PLB1: variants seen among roughly 807,000 people sequenced by gnomAD.
PLB1 encodes the protein phospholipase B1, membrane-associated.
PLB1 carries 242 observed loss-of-function variants against 227.4 expected under a neutral mutation model. The observed-to-expected ratio is 1.06, with a 90% CI of 0.96 to 1.18. The LOEUF (loss-of-function observed/expected upper bound fraction) is 1.18. Among genes scored for constraint, PLB1 ranks in the 50% most tolerant of loss-of-function variants. PLB1 has a pLI of 0.00. For missense variants in PLB1, 1,858 were observed against 1,816.3 expected, an observed-to-expected ratio of 1.02 and a Z score of -0.42; for synonymous variants, 757 against 682.2, an observed-to-expected ratio of 1.11 and a Z score of -1.71.
intron 26 of PLB1, among the ~76,000 whole-genome samples, chr2:28,588,830 C>T (rs1214425924): frequency 1.3e-5 from 2 of 152,098 alleles, no homozygotes; most frequent in African/African-American, 4.8e-5. Flanking sequence ...TGTCATTTAA[C>T]CAAAAACCAC....
Position 28,625,358 on chromosome 2 carries a change from G to A in PLB1, c.3579+250G>A, listed in dbSNP as rs530411154. Among the ~76,000 whole-genome samples, 119 of 152,212 alleles carry A rather than the reference G, an allele frequency of 7.8e-4. 1 individual carries two copies. Among genetic ancestry groups the A allele is most frequent in the Non-Finnish European group, 1.2e-3 (85 of 68,036 alleles). On this transcript the variant is annotated intron_variant, in intron 50 of 57. Coordinates refer to ENST00000327757, the MANE Select transcript of PLB1 (RefSeq NM_153021.5). The stretch of plus-strand genomic sequence containing the variant: ...GGAACAGGGAGTTGGCTGAGGTGGT[G>A]GCCTTGGCCTCTGACAGCTTCCTGC...
At position 28,633,042 on chromosome 2, in the gene PLB1, G is replaced by A. The variant is rs1688856606; in HGVS notation, c.4098+3G>A. On this transcript the variant is annotated splice_donor_region_variant and intron_variant, in intron 56 of 57. Coordinates refer to ENST00000327757, the MANE Select transcript of PLB1 (RefSeq NM_153021.5). ...CCATCGCACTCTGGAACAACATGGT[G>A]AGCAGCCAAGGGCCTGGTGGGCCTT... The A allele has an allele frequency of 1.2e-5, 19 of 1,613,408 alleles. No homozygotes were observed. The highest frequency in any genetic ancestry group is 1.6e-5 in the Non-Finnish European group (19 of 1,179,520).
rs758586763 is a variant in PLB1, at chr2:28,573,290, C to T, written c.1418C>T (p.Ala473Val). Residue 473 changes from alanine to valine, a missense_variant, in exon 21 of 58, where the codon GCA becomes GTA. Coordinates refer to ENST00000327757, the MANE Select transcript of PLB1 (RefSeq NM_153021.5). ...AATGCCTTCTTAAACCAGGCTGTGG[C>T]AGGAGGCCGAGCTGAGTAAGCAGGG... is the stretch of plus-strand genomic sequence containing the variant. ...SPNAFLNQAV[A>V]GGRAEDLPVQ... The T allele has an allele frequency of 5.6e-6, 9 of 1,613,368 alleles. No individual in the cohort carries two copies. The highest frequency in any genetic ancestry group is 6.8e-6 in the Non-Finnish European group (8 of 1,179,668).
chr2:28,601,399 C>G, intron 37 of PLB1, 67 bp downstream of exon 37: 1 of 1,366,402 alleles, frequency 7.3e-7, no homozygotes, highest in Non-Finnish European at 1.0e-6. Context: ...TGGAGATCTT[C>G]CCTGAGAACA....
chr2:28,589,556 T>C lies in PLB1; in HGVS notation c.1920+2T>C. Reference sequence around the variant, plus strand: ...AACGTGGACATGCCAAAGACCTCGGTAAAGAAAGCAAGCATCGTAGAAAAA... The same window carrying C: ...AACGTGGACATGCCAAAGACCTCGGCAAAGAAAGCAAGCATCGTAGAAAAA... On this transcript the variant is annotated splice_donor_variant, in intron 27 of 57. Transcript: ENST00000327757. LOFTEE classifies it high-confidence loss of function. 6.2e-7 allele frequency: 1 copy of C among 1,613,916 alleles called. No individual in the cohort carries two copies. The highest frequency in any genetic ancestry group is 1.6e-4 in the Middle Eastern group (1 of 6,062).
rs372434991 is a variant in PLB1, at chr2:28,597,252, AGACTCC to A, written c.2322-751_2322-746del. Among the ~76,000 whole-genome samples the A allele has an allele frequency of 3.6e-3, 531 of 146,830 alleles. 4 individuals carry two copies. The highest frequency in any genetic ancestry group is 0.013 in the African/African-American group (498 of 38,240). On this transcript the variant is annotated intron_variant, in intron 33 of 57. Coordinates refer to ENST00000327757, the MANE Select transcript of PLB1 (RefSeq NM_153021.5). ...GCACTCCAGCCTGGGCGACAGAGCA[AGACTCC>A]GTCTCGAAAAAAAAAAAAAAAAAAA...
Position 28,643,552 on chromosome 2 carries a change from A to G in PLB1, c.*491A>G, listed in dbSNP as rs1165724069. ...ATTAAGCAACTGTTTTGTATCCAGG[A>G]CAATGCGAAGCACTGAGGTGCCTCC... On this transcript the variant is annotated 3_prime_UTR_variant, in exon 58 of 58. Transcript: ENST00000327757. 1 of 154,016 alleles carries G rather than the reference A, an allele frequency of 6.5e-6. No homozygotes were observed. The highest frequency in any genetic ancestry group is 1.4e-5 in the Non-Finnish European group (1 of 69,248). The allele number at this position is 154,016 out of a possible 1,614,324, so 9.5% of individuals were successfully genotyped here.
rs1558849950 is a variant in PLB1, at chr2:28,590,066, G to T, written c.2078G>T (p.Cys693Phe). ...HKFENKINIT[C>F]PNQVQPFLRT... ...TTTGAAAACAAGATCAATATCACAT[G>T]TCCGAACCAGGTAGAGTGGAAAGCA... Residue 693 changes from cysteine (C) to phenylalanine (F), a missense_variant, in exon 29 of 58, where the codon TGT becomes TTT. Coordinates refer to ENST00000327757, the MANE Select transcript of PLB1 (RefSeq NM_153021.5). The T allele has an allele frequency of 3.1e-6, 5 of 1,612,190 alleles. No individual in the cohort carries two copies.
At chr2:28,498,018 C>T (rs1051661849) in intron 1 of PLB1, among the ~76,000 whole-genome samples, 1 of 151,632 alleles carries the variant, frequency 6.6e-6, no homozygotes, top group Non-Finnish European at 1.5e-5. Flanking sequence ...CGTGCCCGGC[C>T]TTTATTCTTA....
At chr2:28,581,968 G>GA (rs5830085) in intron 23 of PLB1, 100 bp from the exon 24 acceptor site, 55,158 of 956,846 alleles carry the variant, frequency 0.058, 49 homozygotes, top group Non-Finnish European at 0.061. Context: ...CTCAAAAAAA[G>GA]AAAAAAAAAA....
At chr2:28,620,784 C>A in intron 48 of PLB1, 95 bp from the exon 49 acceptor site, 1 of 1,480,488 alleles carries the variant, frequency 6.8e-7, no homozygotes, top group Middle Eastern at 1.7e-4. Flanking sequence ...CTCCTGTGTC[C>A]CACCCATGTC....
chr2:28,510,812 G>C (rs1358134324), intron 1 of PLB1, among the ~76,000 whole-genome samples: 1 of 140,370 alleles, frequency 7.1e-6, no homozygotes, highest in African/African-American at 2.5e-5. Flanking sequence ...GTGTTTTGTA[G>C]AGACAGGGTT....
chr2:28,550,728 G>T (rs1033716184), intron 16 of PLB1, among the ~76,000 whole-genome samples: 7 of 151,628 alleles, frequency 4.6e-5, no homozygotes, highest in African/African-American at 1.7e-4. Flanking sequence ...TTTTAGTAGA[G>T]ACAGGGTTTC....
chr2:28,614,324 A>G lies in PLB1; in HGVS notation c.3195+228A>G, dbSNP rs142407664. 2.3e-3 allele frequency among the ~76,000 whole-genome samples: 345 copies of G among 152,234 alleles called. 3 individuals are homozygous for G. Among genetic ancestry groups the G allele is most frequent in the East Asian group, 1.2e-3 (6 of 5,164 alleles). On this transcript the variant is annotated intron_variant, in intron 44 of 57. Transcript: ENST00000327757. The stretch of plus-strand genomic sequence containing the variant: ...CAGCCCCCAAGCAGAGGAAGTGTCT[A>G]TGGATCGATTTTCTTTGACCTTGGC...
Position 28,617,773 on chromosome 2 carries a change from G to A in PLB1, c.3242G>A (p.Ser1081Asn), listed in dbSNP as rs1412799950. Reference protein sequence around the residue: ...FLCTEWKASNSVPTSVHQLRP... With the variant: ...FLCTEWKASNNVPTSVHQLRP... ...TGTACAGAGTGGAAGGCTTCCAATA[G>A]TGTTCCAACCTCTGGTGAGTGAAAA... The change falls in exon 45 of 58, where the codon AGT becomes AAT. Residue 1081 changes from serine (S) to asparagine (N), a missense_variant. Transcript: ENST00000327757. 6.2e-7 allele frequency: 1 copy of A among 1,614,058 alleles called. No homozygotes were observed. Among genetic ancestry groups the A allele is most frequent in the Non-Finnish European group, 8.5e-7 (1 of 1,179,906 alleles).
chr2:28,640,920 T>C lies in PLB1; in HGVS notation c.4099-7T>C, dbSNP rs1689901485. On this transcript the variant is annotated splice_polypyrimidine_tract_variant and splice_region_variant and intron_variant, in intron 56 of 57. Coordinates refer to ENST00000327757, the MANE Select transcript of PLB1 (RefSeq NM_153021.5). ...AGAGAATCGAGGTGTCCTTTCTCTC[T>C]CTCCAGCTGGAACCAGTGGGCCGCA... The C allele has an allele frequency of 6.2e-7, 1 of 1,612,612 alleles. No individual in the cohort carries two copies. Among genetic ancestry groups the C allele is most frequent in the Non-Finnish European group, 8.5e-7 (1 of 1,179,318 alleles).
At chr2:28,582,762 CCCTCCAGG>C (rs1680260472) in intron 25 of PLB1, among the ~76,000 whole-genome samples, 1 of 152,142 alleles carries the variant, frequency 6.6e-6, no homozygotes, top group Non-Finnish European at 1.5e-5. Context: ...CCACAAGGCA[CCCTCCAGG>C]CCTCCAGAGG....
At chr2:28,529,232 AC>A in intron 6 of PLB1, 84 bp from the exon 7 acceptor site, 4 of 904,404 alleles carry the variant, frequency 4.4e-6, no homozygotes, top group Middle Eastern at 5.8e-4. Context: ...GGCATGAGCC[AC>A]CACTCCTGGC....
intron 26 of PLB1, among the ~76,000 whole-genome samples, chr2:28,586,119 G>C (rs1167474806): frequency 6.6e-6 from 1 of 152,176 alleles, no homozygotes; most frequent in African/African-American, 2.4e-5. Context: ...GGCAAACATG[G>C]ATCATGGAAA....
Sources: gnomAD v4.1 joint callset for allele counts (sites outside exome capture counted in the v4.1 genomes callset) on GRCh38, gnomAD v4.1.1 for gene constraint, MANE v1.5 for transcripts, NCBI Gene and HGNC (gene_info 2026-07-23, HGNC 2026-07-21) for gene names.